ASIC2: variants seen among roughly 807,000 people sequenced by gnomAD.
ASIC2 encodes acid sensing ion channel subunit 2.
Under a neutral mutation model 57.3 loss-of-function variants are expected in ASIC2, and 25 were observed. That is an observed-to-expected ratio of 0.44 (90% CI 0.32 to 0.61). The LOEUF is 0.61. Among genes scored for constraint, ASIC2 ranks in the 20% least tolerant of loss-of-function variants. The pLI is 0.06. For synonymous variants in ASIC2, 319 were observed against 307.5 expected (o/e 1.04, Z -0.39); for missense variants, 641 against 738.1 (o/e 0.87, Z 1.52).
intron 1 of ASIC2, among the ~76,000 whole-genome samples, chr17:33,758,384 G>A (rs965711980): frequency 2.6e-5 from 4 of 152,138 alleles, no homozygotes; most frequent in African/African-American, 9.7e-5. Context: ...CCATTGCATT[G>A]TTTGAACATG....
At chr17:33,069,563 C>A (rs2092058786) in intron 3 of ASIC2, among the ~76,000 whole-genome samples, 1 of 152,056 alleles carries the variant, frequency 6.6e-6, no homozygotes, top group Non-Finnish European at 1.5e-5. Flanking sequence ...CTCTTGGTGA[C>A]TTGACCTTTT....
chr17:33,313,751 C>G (rs944047787), intron 1 of ASIC2, among the ~76,000 whole-genome samples: 2 of 151,998 alleles, frequency 1.3e-5, no homozygotes, highest in African/African-American at 2.4e-5. Flanking sequence ...TTACACATGC[C>G]GTTTGAAGAA....
chr17:33,952,968 TTGAG>T (rs1346873600), intron 1 of ASIC2, among the ~76,000 whole-genome samples: 2 of 152,162 alleles, frequency 1.3e-5, no homozygotes, highest in East Asian at 1.9e-4. Context: ...TAGGCTAGAT[TTGAG>T]TATTTTAATT....
At chr17:33,099,442 G>A (rs372376091) in intron 2 of ASIC2, among the ~76,000 whole-genome samples, 6 of 152,302 alleles carry the variant, frequency 3.9e-5, no homozygotes, top group South Asian at 2.1e-4. Context: ...GGGGTGATGC[G>A]TCCATGTTGG....
At chr17:33,341,493 G>T (rs1263315762) in intron 1 of ASIC2, among the ~76,000 whole-genome samples, 2 of 152,186 alleles carry the variant, frequency 1.3e-5, no homozygotes, top group Non-Finnish European at 2.9e-5. Context: ...ATTGTCTACG[G>T]TTGCTTTTAA....
At chr17:33,520,132 C>G (rs564247964) in intron 1 of ASIC2, among the ~76,000 whole-genome samples, 1 of 152,318 alleles carries the variant, frequency 6.6e-6, no homozygotes, top group South Asian at 2.1e-4. Context: ...GGCCCCTCCC[C>G]AGGGGCCTCT....
chr17:33,870,445 G>T (rs571008526), intron 1 of ASIC2, among the ~76,000 whole-genome samples: 19 of 151,684 alleles, frequency 1.3e-4, no homozygotes, highest in Non-Finnish European at 2.5e-4. Flanking sequence ...TGCTTGACTT[G>T]GTCCATTCCT....
chr17:33,437,154 C>T (rs1195055554), intron 1 of ASIC2, among the ~76,000 whole-genome samples: 1 of 151,892 alleles, frequency 6.6e-6, no homozygotes, highest in Non-Finnish European at 1.5e-5. Flanking sequence ...CGTGAGCCAC[C>T]GCGCCCGGCC....
chr17:33,533,212 G>A (rs1443634473), intron 1 of ASIC2, among the ~76,000 whole-genome samples: 2 of 152,080 alleles, frequency 1.3e-5, no homozygotes, highest in Non-Finnish European at 2.9e-5. Flanking sequence ...CTGGTGTGGT[G>A]CCACATGCCT....
At chr17:33,688,566 G>A (rs1243149532) in intron 1 of ASIC2, among the ~76,000 whole-genome samples, 1 of 152,172 alleles carries the variant, frequency 6.6e-6, no homozygotes, top group Non-Finnish European at 1.5e-5. Context: ...TGTTCCAGCA[G>A]GGAACAAAGC....
intron 3 of ASIC2, among the ~76,000 whole-genome samples, chr17:33,046,158 T>C (rs1269556947): frequency 6.6e-6 from 1 of 152,194 alleles, no homozygotes; most frequent in Non-Finnish European, 1.5e-5. Context: ...AGATTACACA[T>C]ATGACATTTA....
At chr17:34,128,454 C>G (rs946001610) in intron 1 of ASIC2, among the ~76,000 whole-genome samples, 3 of 152,144 alleles carry the variant, frequency 2.0e-5, no homozygotes, top group African/African-American at 7.2e-5. Flanking sequence ...GTTCACTTTC[C>G]CCTGCAAACC....
intron 1 of ASIC2, among the ~76,000 whole-genome samples, chr17:33,802,879 C>G (rs568875322): frequency 4.5e-4 from 68 of 152,346 alleles, no homozygotes; most frequent in African/African-American, 1.6e-3. Flanking sequence ...CACAATGACT[C>G]TCTAGCCCTT....
intron 1 of ASIC2, chr17:34,005,278 T>C (rs1232624742): frequency 2.6e-5 from 4 of 152,180 alleles, no homozygotes; most frequent in African/African-American, 9.7e-5. Context: ...CTCATCCTGG[T>C]GCTGGACACA....
intron 1 of ASIC2, among the ~76,000 whole-genome samples, chr17:33,640,140 G>A (rs972243534): frequency 6.6e-6 from 1 of 152,070 alleles, no homozygotes; most frequent in African/African-American, 2.4e-5. Context: ...GGTTGGAGGG[G>A]TTTTTATCTA....
chr17:33,464,534 T>TTC (rs1436729812), intron 1 of ASIC2, among the ~76,000 whole-genome samples: 2,411 of 41,098 alleles, frequency 0.059, 22 homozygotes, highest in Non-Finnish European at 0.076. Flanking sequence ...CTTTCTTTCT[T>TTC]TCTTTCTCTT....
intron 1 of ASIC2, among the ~76,000 whole-genome samples, chr17:33,571,147 T>G (rs190709994): frequency 6.6e-6 from 1 of 152,244 alleles, no homozygotes; most frequent in Non-Finnish European, 1.5e-5. Context: ...GTTCTCCACT[T>G]TAGAGATGAC....
upstream of ASIC2, among the ~76,000 whole-genome samples, chr17:33,296,150 G>GTT (rs1905713908): frequency 1.3e-5 from 2 of 152,142 alleles, no homozygotes; most frequent in Admixed American, 1.3e-4. Flanking sequence ...AGGGCCTCCT[G>GTT]TAAGTGTTTT....
At chr17:33,859,840 C>G (rs1306916038) in intron 1 of ASIC2, among the ~76,000 whole-genome samples, 2 of 152,120 alleles carry the variant, frequency 1.3e-5, no homozygotes, top group Admixed American at 6.5e-5. Flanking sequence ...GCATGTGCTA[C>G]CACACCTAGC....
Sources: gnomAD v4.1 joint callset for allele counts (sites outside exome capture counted in the v4.1 genomes callset) on GRCh38, gnomAD v4.1.1 for gene constraint, MANE v1.5 for transcripts, NCBI Gene and HGNC (gene_info 2026-07-23, HGNC 2026-07-21) for gene names.